Variants in SNX19 observed in about 807,000 individuals in gnomAD.
The protein encoded by SNX19 is sorting nexin 19.
A neutral mutation model predicts 85.2 loss-of-function variants in SNX19; 60 were observed. The ratio of observed to expected loss-of-function variants is 0.70; its 90% confidence interval spans 0.57 to 0.87. The LOEUF (loss-of-function observed/expected upper bound fraction) is 0.87, where lower values mean the gene tolerates loss of function less well. SNX19 is among the 40% of genes least tolerant of loss of function. SNX19 has a pLI of 0.00. For synonymous variants in SNX19, 520 were observed against 470.0 expected, an observed-to-expected ratio of 1.11 and a Z score of -1.38; for missense variants, 1,201 against 1,217.8, an observed-to-expected ratio of 0.99 and a Z score of 0.21.
chr11:130,899,023 A>G (rs1388462847), intron 8 of SNX19, among the ~76,000 whole-genome samples: 1 of 152,218 alleles, frequency 6.6e-6, no homozygotes, highest in African/African-American at 2.4e-5. Flanking sequence ...TTTTGACTAG[A>G]TAACCCACAT....
intron 4 of SNX19, 113 bp from the exon 5 acceptor site, chr11:130,908,196 T>C: frequency 8.0e-7 from 1 of 1,256,456 alleles, no homozygotes. Flanking sequence ...GGGGCCAGGC[T>C]ATCTAGCAAA....
chr11:130,879,189 T>C (rs979521492), intron 10 of SNX19, among the ~76,000 whole-genome samples: 4 of 152,214 alleles, frequency 2.6e-5, no homozygotes, highest in Non-Finnish European at 5.9e-5. Flanking sequence ...ACAGCTTTGC[T>C]ATAAGGCCAG....
intron 8 of SNX19, among the ~76,000 whole-genome samples, chr11:130,883,111 T>G (rs576115936): frequency 1.3e-5 from 2 of 152,326 alleles, no homozygotes; most frequent in African/African-American, 4.8e-5. Context: ...CATGTACATG[T>G]GTGGGATGCA....
chr11:130,905,316 T>C (rs1485836426), intron 7 of SNX19, among the ~76,000 whole-genome samples: 2 of 151,558 alleles, frequency 1.3e-5, no homozygotes, highest in Non-Finnish European at 2.9e-5. Context: ...TCATCTGCCA[T>C]GGCAGTAAAT....
At chr11:130,887,659 G>A (rs1288984348) in intron 8 of SNX19, among the ~76,000 whole-genome samples, 2 of 152,166 alleles carry the variant, frequency 1.3e-5, no homozygotes, top group African/African-American at 4.8e-5. Context: ...TCTAGTCATT[G>A]GTCCTAGTTC....
intron 8 of SNX19, chr11:130,894,681 A>G: frequency 2.0e-6 from 2 of 985,482 alleles, no homozygotes; most frequent in Non-Finnish European, 2.4e-6. Flanking sequence ...TATTTGAAAC[A>G]ATAAAAGCAA....
intron 1 of SNX19, among the ~76,000 whole-genome samples, chr11:130,912,326 C>T (rs983303292): frequency 2.6e-5 from 4 of 152,192 alleles, no homozygotes; most frequent in African/African-American, 4.8e-5. Context: ...AAGTACGTAT[C>T]ATCTGTATCA....
Position 130,871,658 on chromosome 11 carries a change from G to C in SNX19, c.*6764C>G, listed in dbSNP as rs909250479. 1.3e-4 allele frequency among the ~76,000 whole-genome samples: 20 copies of C among 152,112 alleles called. No individual in the cohort carries two copies. The highest frequency in any genetic ancestry group is 1.2e-4 in the Non-Finnish European group (8 of 68,028). The stretch of plus-strand genomic sequence containing the variant: ...GTATAAACAAGCCATTGCTTCTGTC[G>C]ACATTTGAGTCCTTTTGTCTGCAAT... On this transcript the variant is annotated 3_prime_UTR_variant, in exon 11 of 11. Transcript: ENST00000265909.
chr11:130,885,680 A>G (rs4457753), intron 8 of SNX19, among the ~76,000 whole-genome samples: 67,903 of 152,124 alleles, frequency 0.45, 15,401 homozygotes, highest in South Asian at 0.56. Flanking sequence ...TGCAGTCTAA[A>G]TATAAGGAAA....
chr11:130,907,066 G>T (rs1166268909), intron 5 of SNX19, among the ~76,000 whole-genome samples: 1 of 152,174 alleles, frequency 6.6e-6, no homozygotes, highest in Non-Finnish European at 1.5e-5. Flanking sequence ...AAAATTTGCT[G>T]AAGATTAAAC....
In SNX19 at chr11:130,915,585, G is replaced by A; in HGVS notation, c.355C>T (p.Arg119Cys). 3 of 1,614,190 alleles carry A rather than the reference G, an allele frequency of 1.9e-6. No individual in the cohort carries two copies. The highest frequency in any genetic ancestry group is 2.5e-6 in the Non-Finnish European group (3 of 1,180,028). ...AAGGCTGGCTCCTGGCTCACGGAAC[G>A]GTACCAAGATAACACAAAATCTCGA... ...IIRDFVLSWYRSVSQEPAFEE... is the reference protein window; with the variant it reads ...IIRDFVLSWYCSVSQEPAFEE... The change falls in exon 1 of 11, where the codon CGT becomes TGT. Residue 119 changes from arginine (R) to cysteine (C), a missense_variant. Arg to Cys is a radical substitution (Grantham distance 180). This residue lies in a region of SNX19 where 791 missense variants were observed against 750.9 expected (regional missense o/e 1.05). Coordinates refer to ENST00000265909, the MANE Select transcript of SNX19 (RefSeq NM_014758.3).
chr11:130,892,230 C>T (rs4365063), intron 8 of SNX19, among the ~76,000 whole-genome samples: 89,504 of 149,466 alleles, frequency 0.6, 27,176 homozygotes, highest in South Asian at 0.73. Context: ...ATGTTGCTAC[C>T]GACATACTAT....
Position 130,899,584 on chromosome 11 carries a change from A to T in SNX19, c.2573+3671T>A, listed in dbSNP as rs530288083. 2.0e-5 allele frequency among the ~76,000 whole-genome samples: 3 copies of T among 152,368 alleles called. No homozygotes were observed. In the East Asian group the frequency reaches 5.8e-4, roughly 29 times the overall value. ...TGGAAGCTTGGGTGAGGAGACTGCT[A>T]ACCAGATGTGGTCCTATTTTCATTG... On this transcript the variant is annotated intron_variant, in intron 8 of 10. Coordinates refer to ENST00000265909, the MANE Select transcript of SNX19 (RefSeq NM_014758.3).
chr11:130,911,540 C>G (rs1946126093), intron 2 of SNX19, 93 bp downstream of exon 2: 1 of 1,573,888 alleles, frequency 6.4e-7, no homozygotes, highest in African/African-American at 1.3e-5. Flanking sequence ...AAACGGCATT[C>G]TCCTCCCCGA....
chr11:130,897,984 C>T (rs1944996045), intron 8 of SNX19, among the ~76,000 whole-genome samples: 1 of 152,180 alleles, frequency 6.6e-6, no homozygotes, highest in South Asian at 2.1e-4. Context: ...GCATGCAAGA[C>T]TTCCCTTTGA....
In SNX19 at chr11:130,910,276, G is replaced by A. The variant is rs529587776; in HGVS notation, c.1908C>T (p.Phe636=). 1.9e-6 allele frequency: 3 copies of A among 1,613,220 alleles called. No homozygotes were observed. The Admixed American group carries it at 5.0e-5, about 27-fold the overall frequency. ...AAAAGAGAAGGATGCTGACCTTTAG[G>A]AATGATTCTAGGAGGCTCTTACGGG... ...VEARKSLLES[F]LKQLCAIPEI... The change falls in exon 3 of 11, where the codon TTC becomes TTT. Residue 636 remains phenylalanine, a synonymous_variant. Coordinates refer to ENST00000265909, the MANE Select transcript of SNX19 (RefSeq NM_014758.3).
rs1265642206 is a variant in SNX19 at position 130,866,647 on chromosome 11, C to A, written c.*11775G>T. The A allele has an allele frequency of 6.6e-6, 1 of 152,150 alleles. No individual in the cohort carries two copies. Among genetic ancestry groups the A allele is most frequent in the African/African-American group, 2.4e-5 (1 of 41,422 alleles). 9.4% of individuals were successfully genotyped at this position (152,150 alleles called of 1,614,324 possible). A position where few individuals can be genotyped will look rare whatever the true frequency, so the allele number is the denominator to read the frequency against. Reference sequence around the variant, plus strand: ...ACATAAGAAGGTTTGACATTCTGCCCAGAGCAACGGAGGGCAGCGTGGTTT... The same window carrying A: ...ACATAAGAAGGTTTGACATTCTGCCAAGAGCAACGGAGGGCAGCGTGGTTT... On this transcript the variant is annotated 3_prime_UTR_variant, in exon 11 of 11. Transcript: ENST00000265909.
Position 130,915,469 on chromosome 11 carries a change from A to T in SNX19, c.471T>A (p.Ser157Arg). The change falls in exon 1 of 11, where the codon AGT (serine) becomes AGA (arginine). Residue 157 changes from serine (S) to arginine (R), a missense_variant. Physicochemically the swap from Ser to Arg is moderately radical, Grantham distance 110. This residue lies in a region of SNX19 where 791 missense variants were observed against 750.9 expected (regional missense o/e 1.05). Coordinates refer to ENST00000265909, the MANE Select transcript of SNX19 (RefSeq NM_014758.3). ...GGTGACAACCGCAGAGAGTCAGAAC[A>T]CTCTGGGCAACAGCATGACTGTCCA... ...SVMDSHAVAQ[S>R]VLTLCGCHLQ... 6.2e-7 allele frequency: 1 copy of T among 1,613,858 alleles called. No individual in the cohort carries two copies. Among genetic ancestry groups the T allele is most frequent in the Non-Finnish European group, 8.5e-7 (1 of 1,179,976 alleles).
In SNX19 at chr11:130,908,012, C is replaced by A. The variant is rs543634536; in HGVS notation, c.2106G>T (p.Glu702Asp). 6.2e-7 allele frequency: 1 copy of A among 1,614,062 alleles called. No individual in the cohort carries two copies. The highest frequency in any genetic ancestry group is 1.3e-5 in the African/African-American group (1 of 74,928). ...FPRSEPQSPT[E>D]ELSEAETESK... is the part of the protein sequence containing the mutation. ...TTTCGGTCTCGGCCTCACTCAGCTC[C>A]TCTGTGGGGCTCTGGGGTTCAGAGC... is the stretch of plus-strand genomic sequence containing the variant. The change falls in exon 5 of 11, where the codon GAG (glutamate) becomes GAT (aspartate). Residue 702 changes from glutamate to aspartate, a missense_variant. Physicochemically the swap from Glu to Asp is conservative, Grantham distance 45. Coordinates refer to ENST00000265909, the MANE Select transcript of SNX19 (RefSeq NM_014758.3).
Sources: gnomAD v4.1 joint callset for allele counts (sites outside exome capture counted in the v4.1 genomes callset) on GRCh38, gnomAD v4.1.1 for gene constraint, gnomAD v4.1.1 regional missense constraint, MANE v1.5 for transcripts, NCBI Gene and HGNC (gene_info 2026-07-23, HGNC 2026-07-21) for gene names.